The following PDE4D variants were observed in gnomAD, a reference collection of about 807,000 sequenced individuals.
PDE4D encodes the protein 3',5'-cyclic-AMP phosphodiesterase 4D.
A neutral mutation model predicts 87.4 loss-of-function variants in PDE4D; 24 were observed. The observed-to-expected ratio is 0.27, with a 90% confidence interval of 0.20 to 0.39. The LOEUF (loss-of-function observed/expected upper bound fraction) is 0.39, where lower values mean the gene tolerates loss of function less well. PDE4D is among the 10% of genes least tolerant of loss of function. The pLI is 1.00. For synonymous variants in PDE4D, 384 were observed against 383.2 expected, an observed-to-expected ratio of 1.00 and a Z score of -0.02; for missense variants, 714 against 1,041.0, an observed-to-expected ratio of 0.69 and a Z score of 4.32.
intron 2 of PDE4D, among the ~76,000 whole-genome samples, chr5:60,057,536 T>A (rs1770912433): frequency 6.6e-6 from 1 of 152,016 alleles, no homozygotes; most frequent in Non-Finnish European, 1.5e-5. Context: ...TGTAGAACTG[T>A]GTCTGTCTTG....
At chr5:59,702,458 C>T (rs1344628650) in intron 1 of PDE4D, among the ~76,000 whole-genome samples, 1 of 151,822 alleles carries the variant, frequency 6.6e-6, no homozygotes, top group East Asian at 1.9e-4. Context: ...AAATTATAAT[C>T]GTGCTGAGAG....
intron 1 of PDE4D, among the ~76,000 whole-genome samples, chr5:59,543,741 A>C (rs37569): frequency 0.85 from 128,775 of 152,006 alleles, 54,632 homozygotes; most frequent in South Asian, 0.91. Context: ...ACACGCCAGA[A>C]CTTTTCCTTA....
At chr5:60,369,037 T>C (rs1317455509) in intron 1 of PDE4D, among the ~76,000 whole-genome samples, 3 of 152,010 alleles carry the variant, frequency 2.0e-5, no homozygotes, top group Non-Finnish European at 4.4e-5. Context: ...CCTCTCTCAG[T>C]TTCTTGCTGT....
intron 1 of PDE4D, among the ~76,000 whole-genome samples, chr5:60,377,479 T>A (rs978490209): frequency 6.6e-6 from 1 of 152,184 alleles, no homozygotes; most frequent in Non-Finnish European, 1.5e-5. Flanking sequence ...GCTATCAGCT[T>A]CAAATTCTGA....
intron 1 of PDE4D, among the ~76,000 whole-genome samples, chr5:59,585,274 T>C (rs1046428889): frequency 6.6e-6 from 1 of 152,188 alleles, no homozygotes; most frequent in African/African-American, 2.4e-5. Flanking sequence ...GAAAACTCTG[T>C]AACAAACCAG....
chr5:60,102,568 T>G (rs1010012355), intron 2 of PDE4D, among the ~76,000 whole-genome samples: 1 of 152,092 alleles, frequency 6.6e-6, no homozygotes, highest in Non-Finnish European at 1.5e-5. Flanking sequence ...TGAAGAAACC[T>G]TAAGACCCCA....
intron 1 of PDE4D, among the ~76,000 whole-genome samples, chr5:59,379,982 C>T (rs916757729): frequency 2.0e-5 from 3 of 152,104 alleles, no homozygotes; most frequent in Non-Finnish European, 4.4e-5. Flanking sequence ...CCTTATTCCC[C>T]TTTCCCCTCC....
chr5:59,311,796 G>C (rs978821760), intron 1 of PDE4D, among the ~76,000 whole-genome samples: 1 of 152,152 alleles, frequency 6.6e-6, no homozygotes, highest in Non-Finnish European at 1.5e-5. Context: ...CAAAAAGCCA[G>C]AGGTCCCCTA....
At chr5:59,003,792 G>A (rs547985671) in intron 6 of PDE4D, among the ~76,000 whole-genome samples, 32 of 152,228 alleles carry the variant, frequency 2.1e-4, no homozygotes, top group South Asian at 4.1e-4. Context: ...TGTGGATTGC[G>A]GGGTGAGAGG....
chr5:58,996,066 C>T (rs963298832), intron 6 of PDE4D, among the ~76,000 whole-genome samples: 4 of 152,140 alleles, frequency 2.6e-5, no homozygotes, highest in Non-Finnish European at 4.4e-5. Context: ...CATGTTCTCA[C>T]TCATAAGTGG....
At position 59,157,335 on chromosome 5, in the gene PDE4D, G is replaced by A. The variant is rs145326116; in HGVS notation, c.808+23260C>T. On this transcript the variant is annotated intron_variant, in intron 5 of 14. Transcript: ENST00000340635. ...ACACGTGTTTCACATGTCAAGTAAC[G>A]TATATGGGTTCAATTCCATCCAGGA... The A allele has an allele frequency of 1.0e-3, 726 of 702,542 alleles. 3 individuals are homozygous for A. The highest frequency in any genetic ancestry group is 1.7e-3 in the Admixed American group (87 of 50,002). 43.5% of individuals were successfully genotyped at this position (702,542 alleles called of 1,614,324 possible).
At chr5:59,722,330 T>C (rs1580678862) in intron 1 of PDE4D, among the ~76,000 whole-genome samples, 1 of 152,214 alleles carries the variant, frequency 6.6e-6, no homozygotes, top group Non-Finnish European at 1.5e-5. Context: ...TTAAATTACA[T>C]TCATCCTTGG....
intron 2 of PDE4D, among the ~76,000 whole-genome samples, chr5:60,057,993 T>G (rs1357602922): frequency 2.6e-5 from 4 of 152,010 alleles, no homozygotes; most frequent in Non-Finnish European, 4.4e-5. Context: ...CTAAATCTTC[T>G]GCTTTGTAGT....
chr5:60,114,868 G>A (rs1298548638), intron 2 of PDE4D, among the ~76,000 whole-genome samples: 2 of 151,896 alleles, frequency 1.3e-5, no homozygotes, highest in Non-Finnish European at 2.9e-5. Context: ...ATAACTATGT[G>A]TGTATGTATG....
At chr5:59,753,822 A>C (rs1450002868) in intron 1 of PDE4D, among the ~76,000 whole-genome samples, 1 of 152,222 alleles carries the variant, frequency 6.6e-6, no homozygotes, top group African/African-American at 2.4e-5. Flanking sequence ...AGTGACTTTA[A>C]ATGCAAAGGC....
intron 1 of PDE4D, among the ~76,000 whole-genome samples, chr5:59,598,592 G>T (rs1827042846): frequency 6.6e-6 from 1 of 152,150 alleles, no homozygotes; most frequent in African/African-American, 2.4e-5. Flanking sequence ...GTGTGTGTGG[G>T]AGGGTTGAAT....
chr5:59,351,047 A>G (rs1780454327), intron 1 of PDE4D, among the ~76,000 whole-genome samples: 6 of 152,320 alleles, frequency 3.9e-5, no homozygotes, highest in Admixed American at 3.3e-4. Context: ...TATTTCACAA[A>G]AGAAGCTTCA....
chr5:59,985,659 A>C (rs1303678248), intron 3 of PDE4D, among the ~76,000 whole-genome samples: 2 of 152,210 alleles, frequency 1.3e-5, no homozygotes, highest in Non-Finnish European at 2.9e-5. Context: ...CAAAAAGAAA[A>C]ATTATTTTCT....
At chr5:59,181,903 C>G (rs1480516323) in intron 4 of PDE4D, among the ~76,000 whole-genome samples, 1 of 152,082 alleles carries the variant, frequency 6.6e-6, no homozygotes, top group African/African-American at 2.4e-5. Flanking sequence ...CCAATGGCAT[C>G]AATCTCTTCA....
Sources: allele counts gnomAD v4.1 joint callset (sites outside exome capture counted in the v4.1 genomes callset), GRCh38; gene constraint gnomAD v4.1.1; transcripts MANE v1.5; gene names NCBI Gene and HGNC (gene_info 2026-07-23, HGNC 2026-07-21).